ARHGAP11B: variants seen among roughly 807,000 people sequenced by gnomAD.
The protein encoded by ARHGAP11B is Rho GTPase activating protein 11B.
A neutral mutation model predicts 27.6 loss-of-function variants in ARHGAP11B; 14 were observed. The ratio of observed to expected loss-of-function variants is 0.51; its 90% CI spans 0.34 to 0.79. ARHGAP11B has a LOEUF of 0.79. Ranked by LOEUF, ARHGAP11B falls within the 30% of genes least tolerant of loss-of-function variation. The pLI is 0.02. For missense variants in ARHGAP11B, 245 were observed against 320.1 expected, an observed-to-expected ratio of 0.77 and a Z score of 1.79; for synonymous variants, 82 against 114.1, an observed-to-expected ratio of 0.72 and a Z score of 1.80.
rs765413391 is a variant in ARHGAP11B, at chr15:30,630,780, A to G, written c.200+7A>G. ...AATATGGACACATTCCAAGGTAAGCAGAGTTTGAAATGAAGAAGGCCGGGT... is the reference window on the plus strand; with the variant it reads ...AATATGGACACATTCCAAGGTAAGCGGAGTTTGAAATGAAGAAGGCCGGGT... On this transcript the variant is annotated splice_region_variant and intron_variant, in intron 2 of 10. Transcript: ENST00000428041. 1.2e-6 allele frequency: 2 copies of G among 1,604,802 alleles called. No individual in the cohort carries two copies. Among genetic ancestry groups the G allele is most frequent in the African/African-American group, 1.3e-5 (1 of 74,286 alleles).
intron 2 of ARHGAP11B, among the ~76,000 whole-genome samples, chr15:30,631,449 T>G (rs374155990): frequency 8.1e-6 from 1 of 123,412 alleles, no homozygotes; most frequent in Non-Finnish European, 1.8e-5. Flanking sequence ...TCGCTTGAGC[T>G]CAGGATTTTG....
exon 11 of ARHGAP11B, among the ~76,000 whole-genome samples, chr15:30,648,329 C>T (rs368895672): frequency 8.7e-4 from 132 of 151,976 alleles, no homozygotes; most frequent in Non-Finnish European, 1.4e-3. Context: ...TGGAAAGCAC[C>T]GTAGATCAAG....
chr15:30,627,186 G>A (rs1313080716), intron 1 of ARHGAP11B, among the ~76,000 whole-genome samples: 1 of 151,698 alleles, frequency 6.6e-6, no homozygotes, highest in Non-Finnish European at 1.5e-5. Context: ...CAGCACTATT[G>A]ACATTTTGGA....
chr15:30,635,687 A>G, intron 6 of ARHGAP11B, 54 bp downstream of exon 6: 2 of 1,579,212 alleles, frequency 1.3e-6, no homozygotes, highest in Non-Finnish European at 1.7e-6. Flanking sequence ...AATCGAAAGT[A>G]CATTTCACAT....
At chr15:30,635,707 T>C in intron 6 of ARHGAP11B, 74 bp downstream of exon 6, 2 of 1,464,840 alleles carry the variant, frequency 1.4e-6, no homozygotes, top group African/African-American at 1.4e-5. Flanking sequence ...TAAAGAAGCA[T>C]GAACTGTGGT....
At position 30,644,672 on chromosome 15, in the gene ARHGAP11B, C is replaced by G. The variant is rs2648148; in HGVS notation, c.*112C>G. On this transcript the variant is annotated 3_prime_UTR_variant, in exon 8 of 11. Transcript: ENST00000428041. ...ACAACCACCATCGGTTAAATTTGATCCAAAAATATTGCATCTACCAGCATT... is the reference window on the plus strand; with the variant it reads ...ACAACCACCATCGGTTAAATTTGATGCAAAAATATTGCATCTACCAGCATT... 10,906 of 1,588,708 alleles carry G rather than the reference C, an allele frequency of 6.9e-3. 356 individuals carry two copies. The African/African-American group carries it at 0.084, about 12-fold the overall frequency.
intron 9 of ARHGAP11B, among the ~76,000 whole-genome samples, chr15:30,647,229 T>A (rs2060355585): frequency 6.6e-6 from 1 of 151,634 alleles, no homozygotes; most frequent in African/African-American, 2.4e-5. Context: ...GTTTTTTTGT[T>A]TTTTGTTTCT....
At chr15:30,633,580 A>T in exon 3 of ARHGAP11B, 2 of 1,610,284 alleles carry the variant, frequency 1.2e-6, no homozygotes, top group Non-Finnish European at 1.7e-6. Flanking sequence ...GCCTAAAAGC[A>T]CTAAAGGTGA....
intron 2 of ARHGAP11B, 99 bp from the exon 3 acceptor site, chr15:30,633,391 C>T: frequency 1.0e-6 from 1 of 986,784 alleles, no homozygotes; most frequent in Non-Finnish European, 1.4e-6. Flanking sequence ...GGCTTTAGAG[C>T]CTCTGAAAGG....
intron 6 of ARHGAP11B, among the ~76,000 whole-genome samples, chr15:30,637,457 G>A (rs945849607): frequency 5.3e-5 from 8 of 152,034 alleles, no homozygotes; most frequent in African/African-American, 1.7e-4. Context: ...CTTCTTGGCC[G>A]GGTGCGATGG....
intron 1 of ARHGAP11B, among the ~76,000 whole-genome samples, chr15:30,627,946 T>TA (rs1212915779): frequency 1.3e-5 from 2 of 151,912 alleles, no homozygotes; most frequent in Non-Finnish European, 2.9e-5. Flanking sequence ...TACATGTACT[T>TA]ACATTTAAAA....
chr15:30,626,724 C>T, exon 1 of ARHGAP11B: 5 of 1,498,554 alleles, frequency 3.3e-6, no homozygotes, highest in Non-Finnish European at 4.5e-6. Context: ...AGCAGCCGAG[C>T]GGAGTTCAAA....
At chr15:30,645,176 G>C (rs1218725023) in intron 8 of ARHGAP11B, among the ~76,000 whole-genome samples, 1 of 151,900 alleles carries the variant, frequency 6.6e-6, no homozygotes, top group Admixed American at 6.6e-5. Context: ...TTTCTGTTGA[G>C]CTAATGAAAA....
intron 7 of ARHGAP11B, among the ~76,000 whole-genome samples, chr15:30,639,142 G>A (rs1316981968): frequency 6.6e-6 from 1 of 152,106 alleles, no homozygotes; most frequent in African/African-American, 2.4e-5. Flanking sequence ...AGGACTAGAA[G>A]TTCATTATTG....
At chr15:30,636,878 G>A (rs2060283045) in intron 6 of ARHGAP11B, among the ~76,000 whole-genome samples, 1 of 151,922 alleles carries the variant, frequency 6.6e-6, no homozygotes, top group Admixed American at 6.6e-5. Context: ...GGGCACATTG[G>A]ATTAGGGCCC....
intron 9 of ARHGAP11B, among the ~76,000 whole-genome samples, chr15:30,647,357 A>G (rs909674127): frequency 2.0e-5 from 3 of 151,910 alleles, no homozygotes; most frequent in Admixed American, 6.6e-5. Context: ...GCTTGAAAAA[A>G]TTTAAGTTCA....
exon 11 of ARHGAP11B, chr15:30,648,958 G>A (rs2060369344): frequency 6.6e-6 from 1 of 151,982 alleles, no homozygotes; most frequent in Non-Finnish European, 1.5e-5. Context: ...CTTATGGTAT[G>A]CTCATTAAAA....
At chr15:30,647,011 C>A (rs1393985193) in intron 9 of ARHGAP11B, among the ~76,000 whole-genome samples, 1 of 151,854 alleles carries the variant, frequency 6.6e-6, no homozygotes, top group Non-Finnish European at 1.5e-5. Flanking sequence ...AGACCTTTTC[C>A]CTTCTCATCA....
intron 1 of ARHGAP11B, among the ~76,000 whole-genome samples, chr15:30,630,160 C>G (rs915425969): frequency 6.6e-6 from 1 of 152,090 alleles, no homozygotes; most frequent in Non-Finnish European, 1.5e-5. Context: ...GAAAAGCACT[C>G]TTCTATAGAA....
Sources: gnomAD v4.1 joint callset for allele counts (sites outside exome capture counted in the v4.1 genomes callset) on GRCh38, gnomAD v4.1.1 for gene constraint, MANE v1.5 for transcripts, NCBI Gene and HGNC (gene_info 2026-07-23, HGNC 2026-07-21) for gene names.